PARVB: variants seen among roughly 807,000 people sequenced by gnomAD.
PARVB encodes the protein parvin beta, also known as beta-parvin.
A neutral mutation model predicts 47.0 loss-of-function variants in PARVB; 46 were observed. That is an observed-to-expected ratio of 0.98 (90% CI 0.77 to 1.25). The LOEUF (loss-of-function observed/expected upper bound fraction) is 1.25, where lower values mean the gene tolerates loss of function less well. PARVB is among the 50% of genes most tolerant of loss of function. The pLI is 0.00. For missense variants in PARVB, 473 were observed against 471.6 expected (o/e 1.00, Z -0.03); for synonymous variants, 196 against 196.3 (o/e 1.00, Z 0.01).
intron 1 of PARVB, among the ~76,000 whole-genome samples, chr22:44,050,030 C>T (rs372791649): frequency 5.3e-4 from 80 of 152,308 alleles, no homozygotes; most frequent in African/African-American, 1.8e-3. Context: ...ACTGGCTTCT[C>T]GTGGTACAGC....
At chr22:44,164,991 T>C (rs1173762088) in intron 12 of PARVB, among the ~76,000 whole-genome samples, 3 of 152,114 alleles carry the variant, frequency 2.0e-5, no homozygotes, top group African/African-American at 7.2e-5. Flanking sequence ...TGTGTATGGC[T>C]GTTTATTCTT....
chr22:44,135,264 C>CT (rs1349549078), intron 6 of PARVB, among the ~76,000 whole-genome samples: 1,624 of 147,010 alleles, frequency 0.011, 28 homozygotes, highest in African/African-American at 0.036. Context: ...ACCATCATTA[C>CT]TTTTTTTTTT....
At chr22:44,038,677 G>A (rs2050964055) in intron 1 of PARVB, among the ~76,000 whole-genome samples, 1 of 152,152 alleles carries the variant, frequency 6.6e-6, no homozygotes, top group Admixed American at 6.5e-5. Flanking sequence ...AGCTACTCGG[G>A]AGGCTGAGGC....
In PARVB at chr22:44,049,965, A is replaced by G. The variant is rs2051178338; in HGVS notation, c.112+25514A>G. 6.6e-6 allele frequency among the ~76,000 whole-genome samples: 1 copy of G among 152,134 alleles called. No homozygotes were observed. Among genetic ancestry groups the G allele is most frequent in the Non-Finnish European group, 1.5e-5 (1 of 68,022 alleles). On this transcript the variant is annotated intron_variant, in intron 1 of 12. Transcript: ENST00000338758. The surrounding 1 kb of genome is among the most constrained non-coding windows in gnomAD (Gnocchi z 4.0). ...GGGTTTCTGTTTTACCTACACTTCC[A>G]TATTGTGGGCATGTGGCTGCGGAAA... is the stretch of plus-strand genomic sequence containing the variant.
chr22:44,148,238 T>G, intron 9 of PARVB: 1 of 391,894 alleles, frequency 2.6e-6, no homozygotes, highest in Non-Finnish European at 4.9e-6. Context: ...GTCAGCCTGC[T>G]GCTCTCGCTG....
intron 1 of PARVB, among the ~76,000 whole-genome samples, chr22:44,092,385 A>G (rs2052190651): frequency 6.6e-6 from 1 of 152,212 alleles, no homozygotes; most frequent in South Asian, 2.1e-4. Context: ...CTGGGATTAC[A>G]GGTGTGAGCC....
Position 44,024,364 on chromosome 22 carries a change from AC to A in PARVB, c.29del (p.Pro10ArgfsTer6). 1 of 1,158,156 alleles carries A rather than the reference AC, an allele frequency of 8.6e-7. No individual in the cohort carries two copies. Among genetic ancestry groups the A allele is most frequent in the Non-Finnish European group, 1.1e-6 (1 of 935,130 alleles). The allele number at this position is 1,158,156 out of a possible 1,614,324, so 71.7% of individuals were successfully genotyped here. ...CATGTCCTCCGCGCCGCGCTCGCCC[AC>A]CCCGCGGCCCCGCAGGATGAAGAAG... MSSAPRSP[T>X]PRPRRMKKDE... On this transcript the variant is annotated frameshift_variant, in exon 1 of 13. Coordinates refer to ENST00000338758, the MANE Select transcript of PARVB (RefSeq NM_013327.5). LOFTEE classifies it high-confidence loss of function.
At chr22:44,154,957 G>GT in intron 10 of PARVB, among the ~76,000 whole-genome samples, 1 of 136,802 alleles carries the variant, frequency 7.3e-6, no homozygotes, top group Non-Finnish European at 1.5e-5. Context: ...GTGTGTGTGT[G>GT]GTTTTTGTAG....
At chr22:44,121,382 C>T (rs943663654) in intron 4 of PARVB, among the ~76,000 whole-genome samples, 1 of 152,034 alleles carries the variant, frequency 6.6e-6, no homozygotes, top group African/African-American at 2.4e-5. Context: ...ATGATGCGCT[C>T]CCCATGATTT....
chr22:44,042,088 C>A (rs34753775), intron 1 of PARVB, among the ~76,000 whole-genome samples: 3,031 of 152,128 alleles, frequency 0.02, 42 homozygotes, highest in South Asian at 0.028. Flanking sequence ...AATAAACATA[C>A]AATGAGGCCA....
Position 44,103,252 on chromosome 22 carries a change from CA to C in PARVB, c.273+3133del, listed in dbSNP as rs1296423025. On this transcript the variant is annotated intron_variant, in intron 3 of 12. Transcript: ENST00000338758. This position sits in a 1 kb window ranked among gnomAD's most constrained non-coding sequence, Gnocchi z 4.6. ...TTTGGGGCAAAGTACAACTATGGGG[CA>C]AAATACAACTAAGAACAGGAAGGAG... 1 of 152,166 alleles carries C rather than the reference CA, an allele frequency of 6.6e-6. No homozygotes were observed. The highest frequency in any genetic ancestry group is 1.5e-5 in the Non-Finnish European group (1 of 68,044). 9.4% of individuals were successfully genotyped at this position (152,166 alleles called of 1,614,324 possible).
At position 44,074,191 on chromosome 22, in the gene PARVB, G is replaced by C. The variant is rs554563393; in HGVS notation, c.113-19737G>C. Among the ~76,000 whole-genome samples, 216 of 152,326 alleles carry C rather than the reference G, an allele frequency of 1.4e-3. 1 individual carries two copies. The highest frequency in any genetic ancestry group is 0.01 in the Middle Eastern group (3 of 294). On this transcript the variant is annotated intron_variant, in intron 1 of 12. Transcript: ENST00000338758. ...GAGTGGTCCTCTGAGGCTGGCCAAG[G>C]CTCCCAGCAGAGAGACGGGGGCATG...
intron 1 of PARVB, among the ~76,000 whole-genome samples, chr22:44,075,985 G>A (rs1174504388): frequency 1.3e-5 from 2 of 152,256 alleles, no homozygotes; most frequent in African/African-American, 4.8e-5. Flanking sequence ...CCTGTGCATT[G>A]TCTAAACTGA....
rs57018745 is a variant in PARVB at position 44,118,972 on chromosome 22, C to A, written c.274-66C>A. The stretch of plus-strand genomic sequence containing the variant: ...TGTGCAGTCTCTGTTTCTGCACTTT[C>A]CCTGGTCACTGCCTCATTGCCGTGG... On this transcript the variant is annotated intron_variant, in intron 3 of 12. Coordinates refer to ENST00000338758, the MANE Select transcript of PARVB (RefSeq NM_013327.5). 0.012 allele frequency: 12,888 copies of A among 1,095,408 alleles called. 779 individuals carry two copies. The African/African-American group carries it at 0.15, about 13-fold the overall frequency. 67.9% of individuals were successfully genotyped at this position (1,095,408 alleles called of 1,614,324 possible). A position where few individuals can be genotyped will look rare whatever the true frequency, so the allele number is the denominator to read the frequency against.
chr22:44,156,179 C>T (rs2053928626), intron 10 of PARVB, among the ~76,000 whole-genome samples: 1 of 151,932 alleles, frequency 6.6e-6, no homozygotes, highest in Non-Finnish European at 1.5e-5. Flanking sequence ...GGGACTGTTG[C>T]CCACTGGCAC....
At chr22:44,168,395 G>C (rs1007401573) in intron 12 of PARVB, 14 of 543,190 alleles carry the variant, frequency 2.6e-5, no homozygotes, top group Admixed American at 2.2e-4. Context: ...CAGGGTGTCA[G>C]CCCGCGCCAG....
Position 44,155,035 on chromosome 22 carries a change from G to GGTGTGTGT in PARVB, c.844-2931_844-2924dup, listed in dbSNP as rs143992052. 1.7e-5 allele frequency among the ~76,000 whole-genome samples: 2 copies of GGTGTGTGT among 116,252 alleles called. No homozygotes were observed. The highest frequency in any genetic ancestry group is 3.7e-5 in the African/African-American group (1 of 26,712). 76.3% of individuals were successfully genotyped at this position (116,252 alleles called of 152,430 possible). On this transcript the variant is annotated intron_variant, in intron 10 of 12. Coordinates refer to ENST00000338758, the MANE Select transcript of PARVB (RefSeq NM_013327.5). This position sits in a 1 kb window ranked among gnomAD's most constrained non-coding sequence, Gnocchi z 4.8. Reference sequence around the variant, plus strand: ...TGTGTGTGGTTTTTGTAGTCTGTGTGGTGTGTGTGTGTGTGTGTGTGTGGT... The same window carrying GGTGTGTGT: ...TGTGTGTGGTTTTTGTAGTCTGTGTGGTGTGTGTGTGTGTGTGTGTGTGTGTGTGTGGT...
chr22:44,061,040 T>C (rs893357531), intron 1 of PARVB, among the ~76,000 whole-genome samples: 1 of 152,232 alleles, frequency 6.6e-6, no homozygotes, highest in Admixed American at 6.5e-5. Flanking sequence ...GAATGAAGCT[T>C]CTCTGACCTG....
chr22:44,166,113 C>T (rs369932587), intron 12 of PARVB, among the ~76,000 whole-genome samples: 15 of 152,124 alleles, frequency 9.9e-5, no homozygotes, highest in East Asian at 3.9e-4. Context: ...CCCGAACCCA[C>T]GACTTTTTTT....
Sources: gnomAD v4.1 joint callset for allele counts (sites outside exome capture counted in the v4.1 genomes callset) on GRCh38, gnomAD v4.1.1 for gene constraint, Gnocchi (gnomAD v3.1) non-coding constraint, MANE v1.5 for transcripts, NCBI Gene and HGNC (gene_info 2026-07-23, HGNC 2026-07-21) for gene names.